LRRC7: variants seen among roughly 807,000 people sequenced by gnomAD.
LRRC7 encodes leucine-rich repeat-containing protein 7.
A neutral mutation model predicts 175.7 loss-of-function variants in LRRC7; 23 were observed. The observed-to-expected ratio is 0.13, with a 90% CI of 0.09 to 0.19. The LOEUF (loss-of-function observed/expected upper bound fraction) is 0.19, where lower values mean the gene tolerates loss of function less well. Among genes scored for constraint, LRRC7 ranks in the 10% least tolerant of loss-of-function variants. The pLI is 1.00. For synonymous variants in LRRC7, 685 were observed against 680.9 expected, an observed-to-expected ratio of 1.01 and a Z score of -0.09; for missense variants, 1,354 against 1,904.7, an observed-to-expected ratio of 0.71 and a Z score of 5.38.
intron 1 of LRRC7, among the ~76,000 whole-genome samples, chr1:69,586,842 TG>T (rs1646422879): frequency 6.8e-6 from 1 of 146,344 alleles, no homozygotes; most frequent in African/African-American, 2.4e-5. Flanking sequence ...CATCAAAAGC[TG>T]AGATTCTAAG....
chr1:69,598,084 G>A lies in LRRC7; in HGVS notation c.2+29443G>A, dbSNP rs77697293. ...TATATACTTGAATCCATTTAAAACC[G>A]AATGTGTTGTCCTGTCTGCTAACGC... On this transcript the variant is annotated intron_variant, in intron 1 of 26. Coordinates refer to ENST00000651989, the MANE Select transcript of LRRC7 (RefSeq NM_001370785.2). Among the ~76,000 whole-genome samples the A allele has an allele frequency of 7.9e-3, 1,207 of 152,182 alleles. 19 individuals carry two copies. The highest frequency in any genetic ancestry group is 0.028 in the African/African-American group (1,147 of 41,528).
rs930782464 is a variant in LRRC7 at position 69,568,224 on chromosome 1, A to G, written c.-416A>G. On this transcript the variant is annotated 5_prime_UTR_variant, in exon 1 of 27. Coordinates refer to ENST00000651989, the MANE Select transcript of LRRC7 (RefSeq NM_001370785.2). ...TTTCCTGCTTGTCTCTTCTCCGCCC[A>G]GGATTTATTGTCTGTGGAGCCTTCT... Among the ~76,000 whole-genome samples, 12 of 151,430 alleles carry G rather than the reference A, an allele frequency of 7.9e-5. No individual in the cohort carries two copies. The highest frequency in any genetic ancestry group is 2.7e-4 in the African/African-American group (11 of 41,206).
At chr1:69,570,460 C>A (rs906114765) in intron 1 of LRRC7, among the ~76,000 whole-genome samples, 2 of 151,798 alleles carry the variant, frequency 1.3e-5, no homozygotes, top group African/African-American at 4.8e-5. Context: ...TCCAGCCAGC[C>A]CCCTATTTTA....
chr1:69,892,998 G>A (rs939190843), intron 7 of LRRC7, among the ~76,000 whole-genome samples: 1 of 152,122 alleles, frequency 6.6e-6, no homozygotes, highest in African/African-American at 2.4e-5. Flanking sequence ...AATGTTTCTT[G>A]TGAATGACAG....
At chr1:70,005,605 T>C (rs1241996846) in intron 11 of LRRC7, among the ~76,000 whole-genome samples, 1 of 152,236 alleles carries the variant, frequency 6.6e-6, no homozygotes, top group Non-Finnish European at 1.5e-5. Context: ...GCATCATTCA[T>C]TCTGAAGCAT....
At chr1:69,935,074 A>G (rs1290384450) in intron 8 of LRRC7, among the ~76,000 whole-genome samples, 4 of 152,198 alleles carry the variant, frequency 2.6e-5, no homozygotes, top group Non-Finnish European at 5.9e-5. Context: ...TATGTGGTTT[A>G]GAGTTCGGGA....
At chr1:69,745,326 A>T (rs558671812) in intron 2 of LRRC7, among the ~76,000 whole-genome samples, 35 of 152,140 alleles carry the variant, frequency 2.3e-4, no homozygotes, top group Middle Eastern at 3.4e-3. Flanking sequence ...GATTGAAAAT[A>T]AACCTACCAT....
chr1:69,627,077 A>G (rs1749481), intron 1 of LRRC7, among the ~76,000 whole-genome samples: 149,450 of 152,216 alleles, frequency 0.98, 73,427 homozygotes, highest in Middle Eastern at 1. Flanking sequence ...ATAATCCTTT[A>G]GGTATATACC....
At chr1:69,990,837 T>C (rs1654367577) in intron 10 of LRRC7, among the ~76,000 whole-genome samples, 2 of 152,198 alleles carry the variant, frequency 1.3e-5, no homozygotes, top group Admixed American at 1.3e-4. Context: ...ATAGATTTAA[T>C]TGATTACACT....
chr1:69,671,389 C>A (rs1252472742), intron 1 of LRRC7, among the ~76,000 whole-genome samples: 1 of 152,100 alleles, frequency 6.6e-6, no homozygotes, highest in East Asian at 1.9e-4. Flanking sequence ...AGTTTTCTTA[C>A]TCTTTTCTTT....
In LRRC7 at chr1:69,825,834, TG is replaced by T; in HGVS notation, c.500+9del. 1 of 1,546,308 alleles carries T rather than the reference TG, an allele frequency of 6.5e-7. No homozygotes were observed. Among genetic ancestry groups the T allele is most frequent in the Non-Finnish European group, 8.9e-7 (1 of 1,129,574 alleles). On this transcript the variant is annotated intron_variant, in intron 5 of 26. Coordinates refer to ENST00000651989, the MANE Select transcript of LRRC7 (RefSeq NM_001370785.2). ...TGTCAATCCCATTTCTAAGTGAGTATGAGTGATTAAATTTTATTTGTATTTA... is the reference window on the plus strand; with the variant it reads ...TGTCAATCCCATTTCTAAGTGAGTATAGTGATTAAATTTTATTTGTATTTA...
intron 10 of LRRC7, among the ~76,000 whole-genome samples, chr1:69,987,246 AAAAC>A (rs200712717): frequency 0.046 from 7,081 of 152,284 alleles, 173 homozygotes; most frequent in South Asian, 0.1. Flanking sequence ...CTCCGTCTCA[AAAAC>A]AAACAAACAA....
intron 13 of LRRC7, among the ~76,000 whole-genome samples, chr1:70,015,389 T>C (rs905930489): frequency 3.3e-5 from 5 of 152,136 alleles, no homozygotes; most frequent in African/African-American, 7.2e-5. Context: ...TTTTAATTAC[T>C]GTAAGATTGC....
At chr1:69,790,467 C>T (rs1253959485) in intron 3 of LRRC7, among the ~76,000 whole-genome samples, 1 of 151,950 alleles carries the variant, frequency 6.6e-6, no homozygotes, top group Non-Finnish European at 1.5e-5. Flanking sequence ...ATTTATAAAA[C>T]AAACAAATTG....
intron 7 of LRRC7, among the ~76,000 whole-genome samples, chr1:69,907,696 C>T (rs1273501727): frequency 1.3e-5 from 2 of 152,190 alleles, no homozygotes; most frequent in African/African-American, 2.4e-5. Context: ...CATCAATGTT[C>T]ATCAAGGACA....
intron 4 of LRRC7, among the ~76,000 whole-genome samples, chr1:69,818,078 T>A (rs750334343): frequency 1.3e-5 from 2 of 152,140 alleles, no homozygotes; most frequent in African/African-American, 2.4e-5. Flanking sequence ...CATTCAGCTT[T>A]CCTTTCTGAC....
chr1:69,769,492 C>A (rs2100979252), intron 3 of LRRC7, among the ~76,000 whole-genome samples: 1 of 152,188 alleles, frequency 6.6e-6, no homozygotes, highest in East Asian at 1.9e-4. Context: ...AACTTAGTTC[C>A]ATGCACAAAA....
intron 2 of LRRC7, among the ~76,000 whole-genome samples, chr1:69,751,256 C>T (rs1669818320): frequency 6.6e-6 from 1 of 152,060 alleles, no homozygotes; most frequent in Non-Finnish European, 1.5e-5. Flanking sequence ...GAGCAGGCAC[C>T]ATAGCTTTTT....
intron 7 of LRRC7, among the ~76,000 whole-genome samples, chr1:69,910,667 C>T (rs1438890760): frequency 4.6e-5 from 7 of 152,218 alleles, no homozygotes; most frequent in Non-Finnish European, 1.0e-4. Flanking sequence ...CTTCAGGAGG[C>T]AGTCTGCCCG....
Sources: allele counts gnomAD v4.1 joint callset (sites outside exome capture counted in the v4.1 genomes callset), GRCh38; gene constraint gnomAD v4.1.1; transcripts MANE v1.5; gene names NCBI Gene and HGNC (gene_info 2026-07-23, HGNC 2026-07-21).